The following RRP1B variants were observed in gnomAD, a reference collection of about 807,000 sequenced individuals.
The protein encoded by RRP1B is ribosomal RNA processing 1B, also known as ribosomal RNA processing protein 1 homolog B.
RRP1B carries 56 observed loss-of-function variants against 80.2 expected under a neutral mutation model. That is an observed-to-expected ratio of 0.70 (90% CI 0.56 to 0.87). The LOEUF is 0.87. Among genes scored for constraint, RRP1B ranks in the 40% least tolerant of loss-of-function variants. RRP1B has a pLI of 0.00. For synonymous variants in RRP1B, 351 were observed against 357.6 expected, an observed-to-expected ratio of 0.98 and a Z score of 0.21; for missense variants, 807 against 939.8, an observed-to-expected ratio of 0.86 and a Z score of 1.85.
chr21:43,669,810 T>C, intron 1 of RRP1B, 74 bp from the exon 2 acceptor site: 2 of 1,030,656 alleles, frequency 1.9e-6, no homozygotes, highest in Non-Finnish European at 3.0e-6. Context: ...ATGTATGTGA[T>C]ACTTCACCAC....
chr21:43,676,322 T>C lies in RRP1B; in HGVS notation c.600T>C (p.Ala200=), dbSNP rs375775767. The change falls in exon 7 of 16, where the codon GCT becomes GCC. Residue 200 remains alanine (A), a synonymous_variant. Coordinates refer to ENST00000340648, the MANE Select transcript of RRP1B (RefSeq NM_015056.3). ...TTATCGATCCATTCTGCAAAATTGC[T>C]GCGAAGACGAAGGAGTAAGTGATTC... ...LKFIDPFCKI[A]AKTKDHTLVQ... is the part of the protein sequence containing the mutation. The C allele has an allele frequency of 1.2e-6, 2 of 1,612,612 alleles. No individual in the cohort carries two copies. Among genetic ancestry groups the C allele is most frequent in the South Asian group, 1.1e-5 (1 of 91,008 alleles).
intron 1 of RRP1B, among the ~76,000 whole-genome samples, chr21:43,668,595 G>A (rs571426004): frequency 3.3e-5 from 5 of 152,022 alleles, no homozygotes; most frequent in South Asian, 2.1e-4. Context: ...GGTCTTGATC[G>A]TCTGACCCCG....
intron 1 of RRP1B, among the ~76,000 whole-genome samples, chr21:43,660,753 G>A (rs2082950993): frequency 6.6e-6 from 1 of 152,082 alleles, no homozygotes; most frequent in South Asian, 2.1e-4. Flanking sequence ...GGAGTGGTTT[G>A]AAAGACCAAT....
chr21:43,679,111 C>T (rs1267177138), intron 8 of RRP1B, among the ~76,000 whole-genome samples: 1 of 152,058 alleles, frequency 6.6e-6, no homozygotes, highest in Non-Finnish European at 1.5e-5. Flanking sequence ...GTCTACATGC[C>T]TATTTTTATA....
intron 8 of RRP1B, among the ~76,000 whole-genome samples, chr21:43,682,033 A>G (rs770406991): frequency 2.0e-5 from 3 of 149,898 alleles, no homozygotes; most frequent in Non-Finnish European, 3.0e-5. Context: ...TTGGAAGGCC[A>G]AGATGGGAAG....
At chr21:43,689,666 G>A (rs2083078517) in intron 13 of RRP1B, among the ~76,000 whole-genome samples, 1 of 152,242 alleles carries the variant, frequency 6.6e-6, no homozygotes. Flanking sequence ...CCAGGGTCAA[G>A]GGAAGCTTTC....
chr21:43,685,848 G>A (rs1229545798), intron 11 of RRP1B, 59 bp downstream of exon 11: 6 of 1,551,492 alleles, frequency 3.9e-6, no homozygotes, highest in Non-Finnish European at 5.2e-6. Context: ...ACCCCACTGG[G>A]GGCGTTGATG....
chr21:43,659,915 C>G lies in RRP1B; in HGVS notation c.130+121C>G. On this transcript the variant is annotated intron_variant, in intron 1 of 15. Transcript: ENST00000340648. The surrounding 1 kb of genome is among the most constrained non-coding windows in gnomAD (Gnocchi z 4.2). ...GTGTTGTCGTGACACCCAGCGTGTG[C>G]TTCGGTTTCCGCGCTGCCGGAACCG... 8.7e-7 allele frequency: 1 copy of G among 1,155,752 alleles called. No individual in the cohort carries two copies. The highest frequency in any genetic ancestry group is 1.1e-6 in the Non-Finnish European group (1 of 881,628). The allele number at this position is 1,155,752 out of a possible 1,614,324, so 71.6% of individuals were successfully genotyped here.
In RRP1B at chr21:43,676,770, G is replaced by A. The variant is rs1016738080; in HGVS notation, c.652G>A (p.Glu218Lys). The A allele has an allele frequency of 1.9e-5, 31 of 1,614,104 alleles. No homozygotes were observed. The highest frequency in any genetic ancestry group is 1.2e-4 in the African/African-American group (9 of 74,932). The stretch of plus-strand genomic sequence containing the variant: ...ACAGACCATAGCTCGGGGTGTCTTC[G>A]AAGCTATCGTAGATCAGTCTCCTTT... ...LVQTIARGVF[E>K]AIVDQSPFVP... The change falls in exon 8 of 16, where the codon GAA (glutamate) becomes AAA (lysine). Residue 218 changes from glutamate (E) to lysine (K), a missense_variant. Physicochemically the swap from Glu to Lys is moderately conservative, Grantham distance 56. Transcript: ENST00000340648.
In RRP1B at chr21:43,687,908, G is replaced by A. The variant is rs773206034; in HGVS notation, c.1534G>A (p.Gly512Arg). 1.3e-5 allele frequency: 21 copies of A among 1,613,228 alleles called. No homozygotes were observed. In the South Asian group the frequency reaches 2.3e-4, roughly 18 times the overall value. ...TGGCAGTCATCCTCAGGGACCTAGA[G>A]GGTCCCCGACAGGTGGAGCCCAACT... is the stretch of plus-strand genomic sequence containing the variant. The part of the protein sequence containing the change: ...PSGSHPQGPR[G>R]SPTGGAQLLK... Residue 512 changes from glycine (G) to arginine (R), a missense_variant, in exon 13 of 16, where the codon GGG becomes AGG. Gly to Arg is a moderately radical substitution (Grantham distance 125). Coordinates refer to ENST00000340648, the MANE Select transcript of RRP1B (RefSeq NM_015056.3).
chr21:43,687,973 T>C lies in RRP1B; in HGVS notation c.1599T>C (p.Asn533=), dbSNP rs1223214473. The C allele has an allele frequency of 1.9e-6, 3 of 1,613,038 alleles. No homozygotes were observed. The highest frequency in any genetic ancestry group is 2.5e-6 in the Non-Finnish European group (3 of 1,180,036). ...GGAAACTTGGAGTTGTGCCCGTCAATGGCAGTGGCCTGTCCACGCCGGCCT... is the reference window on the plus strand; with the variant it reads ...GGAAACTTGGAGTTGTGCCCGTCAACGGCAGTGGCCTGTCCACGCCGGCCT... The part of the protein sequence containing the change: ...RKRKLGVVPV[N]GSGLSTPAWP... Residue 533 remains asparagine, a synonymous_variant, in exon 13 of 16, where the codon AAT becomes AAC. Transcript: ENST00000340648.
intron 14 of RRP1B, 97 bp downstream of exon 14, chr21:43,690,537 C>T: frequency 7.2e-7 from 1 of 1,382,066 alleles, no homozygotes; most frequent in Non-Finnish European, 1.0e-6. Context: ...TGGAGCCCCA[C>T]TGTGGCCCTC....
At chr21:43,687,064 T>A in intron 12 of RRP1B, 129 bp downstream of exon 12, 2 of 1,077,988 alleles carry the variant, frequency 1.9e-6, no homozygotes, top group South Asian at 1.6e-5. Flanking sequence ...CAGTCTTTAA[T>A]GGCTGAGAGG....
At chr21:43,674,612 T>TTTTTTTA in intron 4 of RRP1B, 24 bp from the exon 5 acceptor site, 1 of 1,327,498 alleles carries the variant, frequency 7.5e-7, no homozygotes, top group Non-Finnish European at 1.0e-6. Context: ...TTTTTTTTTT[T>TTTTTTTA]AAACAAAAAT....
intron 12 of RRP1B, 141 bp downstream of exon 12, chr21:43,687,076 A>G: frequency 9.9e-7 from 1 of 1,009,420 alleles, no homozygotes. Context: ...GCTGAGAGGT[A>G]AAGGCGGTTT....
At position 43,684,604 on chromosome 21, in the gene RRP1B, A is replaced by G. The variant is rs1254434429; in HGVS notation, c.943A>G (p.Asn315Asp). 6.2e-7 allele frequency: 1 copy of G among 1,614,172 alleles called. No homozygotes were observed. The highest frequency in any genetic ancestry group is 2.2e-5 in the East Asian group (1 of 44,880). ...DRLLEMTSRKNTPHFNRKRLS... is the reference protein window; with the variant it reads ...DRLLEMTSRKDTPHFNRKRLS... ...ACTCCTGGAAATGACCAGCAGGAAG[A>G]ACACGCCCCACTTCAACAGGAAGCG... is the stretch of plus-strand genomic sequence containing the variant. Residue 315 changes from asparagine (N) to aspartate (D), a missense_variant, in exon 10 of 16, where the codon AAC becomes GAC. By Grantham distance (23) the Asn-to-Asp change is conservative (BLOSUM62 1). Coordinates refer to ENST00000340648, the MANE Select transcript of RRP1B (RefSeq NM_015056.3).
At chr21:43,686,684 G>A (rs922010573) in intron 11 of RRP1B, 120 bp from the exon 12 acceptor site, 110 of 1,170,250 alleles carry the variant, frequency 9.4e-5, no homozygotes, top group Non-Finnish European at 1.3e-4. Context: ...GGTTTGGGTG[G>A]GAGAAACGGT....
At chr21:43,674,799 A>T in intron 5 of RRP1B, 102 bp downstream of exon 5, 1 of 1,115,416 alleles carries the variant, frequency 9.0e-7, no homozygotes, top group South Asian at 1.4e-5. Flanking sequence ...GAAGCTCGAT[A>T]CATCGTTACC....
At chr21:43,672,417 T>G (rs1489846124) in intron 3 of RRP1B, 52 bp downstream of exon 3, 2 of 1,459,410 alleles carry the variant, frequency 1.4e-6, no homozygotes, top group Non-Finnish European at 9.6e-7. Flanking sequence ...ACTTGCTAGT[T>G]TAATGGGAAC....
Sources: gnomAD v4.1 joint callset for allele counts (sites outside exome capture counted in the v4.1 genomes callset) on GRCh38, gnomAD v4.1.1 for gene constraint, Gnocchi (gnomAD v3.1) non-coding constraint, MANE v1.5 for transcripts, NCBI Gene and HGNC (gene_info 2026-07-23, HGNC 2026-07-21) for gene names.